Variants in NLGN1 observed in about 807,000 individuals in gnomAD.
The protein encoded by NLGN1 is neuroligin 1.
NLGN1 carries 12 observed loss-of-function variants against 65.5 expected under a neutral mutation model. That is an observed-to-expected ratio of 0.18 (90% CI 0.12 to 0.30). The LOEUF (loss-of-function observed/expected upper bound fraction) is 0.30, where lower values mean the gene tolerates loss of function less well. NLGN1 is among the 10% of genes least tolerant of loss of function. The pLI is 1.00. For synonymous variants in NLGN1, 350 were observed against 359.5 expected (o/e 0.97, Z 0.30); for missense variants, 750 against 1,007.1 (o/e 0.74, Z 3.46).
intron 3 of NLGN1, among the ~76,000 whole-genome samples, chr3:173,645,887 C>G (rs976648750): frequency 2.0e-5 from 3 of 152,168 alleles, no homozygotes; most frequent in African/African-American, 7.2e-5. Context: ...CTCCTCGGCC[C>G]CCACCCAGTG....
chr3:173,402,313 C>T (rs536445), intron 1 of NLGN1, among the ~76,000 whole-genome samples: 80,398 of 151,920 alleles, frequency 0.53, 21,400 homozygotes, highest in East Asian at 0.67. Context: ...TTGCTATGGA[C>T]GACCAATGAT....
exon 7 of NLGN1, chr3:174,282,683 T>C (rs1751681361): frequency 6.6e-6 from 1 of 152,154 alleles, no homozygotes; most frequent in Non-Finnish European, 1.5e-5. Flanking sequence ...CCTTTCCAAA[T>C]GTTTGTATAT....
Position 174,206,297 on chromosome 3 carries a change from G to A in NLGN1, c.647-69018G>A, listed in dbSNP as rs1467018688. ...CTCCTCTGCATGCAGTGACAGGGGC[G>A]AAATCAGATACTGGGCTCGAGGATC... is the stretch of plus-strand genomic sequence containing the variant. On this transcript the variant is annotated intron_variant, in intron 4 of 6. Coordinates refer to ENST00000457714, the Ensembl canonical transcript of NLGN1. Among the ~76,000 whole-genome samples the A allele has an allele frequency of 3.3e-5, 5 of 152,288 alleles. No individual in the cohort carries two copies. The East Asian group carries it at 9.7e-4, about 29-fold the overall frequency.
chr3:174,024,779 T>C (rs945551605), intron 4 of NLGN1, among the ~76,000 whole-genome samples: 2 of 152,228 alleles, frequency 1.3e-5, no homozygotes, highest in East Asian at 1.9e-4. Context: ...TATCTGCTCA[T>C]TGACAATATA....
chr3:174,212,422 A>C (rs1049501349), intron 4 of NLGN1, among the ~76,000 whole-genome samples: 1 of 152,306 alleles, frequency 6.6e-6, no homozygotes. Context: ...GGGCTCCCAC[A>C]GTGCAGTGGT....
chr3:173,550,812 C>CT (rs1740721229), intron 2 of NLGN1, among the ~76,000 whole-genome samples: 1 of 152,104 alleles, frequency 6.6e-6, no homozygotes, highest in Non-Finnish European at 1.5e-5. Flanking sequence ...TATTCAGAAA[C>CT]ATTATAGACA....
chr3:174,096,576 A>G (rs1339855642), intron 4 of NLGN1, among the ~76,000 whole-genome samples: 2 of 152,096 alleles, frequency 1.3e-5, no homozygotes, highest in East Asian at 3.9e-4. Context: ...GTCCCCACCA[A>G]AATACCTACA....
chr3:173,935,116 G>A (rs1199849490), intron 4 of NLGN1, among the ~76,000 whole-genome samples: 3 of 151,990 alleles, frequency 2.0e-5, no homozygotes, highest in African/African-American at 7.2e-5. Flanking sequence ...TCTTCTGGGA[G>A]TTCTGGAATC....
intron 4 of NLGN1, among the ~76,000 whole-genome samples, chr3:174,118,174 G>A (rs1043156918): frequency 6.6e-6 from 1 of 152,012 alleles, no homozygotes; most frequent in Non-Finnish European, 1.5e-5. Context: ...TTTTTTAAGT[G>A]GAATGGGCAG....
chr3:173,590,263 A>G (rs1748242969), intron 2 of NLGN1, among the ~76,000 whole-genome samples: 1 of 152,156 alleles, frequency 6.6e-6, no homozygotes, highest in African/African-American at 2.4e-5. Flanking sequence ...TTACTGTCCA[A>G]CACTTTACAC....
chr3:174,047,555 C>T (rs1201574376), intron 4 of NLGN1, among the ~76,000 whole-genome samples: 3 of 151,984 alleles, frequency 2.0e-5, no homozygotes, highest in African/African-American at 7.2e-5. Context: ...GGAGATTTTA[C>T]AGTCTGATAG....
chr3:174,273,026 G>GTT (rs371995825), intron 4 of NLGN1, among the ~76,000 whole-genome samples: 3,335 of 148,868 alleles, frequency 0.022, 109 homozygotes, highest in African/African-American at 0.079. Flanking sequence ...CAGCACTGTT[G>GTT]TTATATAAAC....
At chr3:173,687,983 G>A (rs1288221067) in intron 3 of NLGN1, among the ~76,000 whole-genome samples, 1 of 152,158 alleles carries the variant, frequency 6.6e-6, no homozygotes, top group Admixed American at 6.5e-5. Flanking sequence ...TAAACAGAAT[G>A]GTCAGAAGGT....
intron 2 of NLGN1, among the ~76,000 whole-genome samples, chr3:173,510,568 A>G (rs1244356138): frequency 6.6e-6 from 1 of 152,196 alleles, no homozygotes; most frequent in African/African-American, 2.4e-5. Flanking sequence ...GATGTTGGAA[A>G]TGTATTAATT....
intron 4 of NLGN1, among the ~76,000 whole-genome samples, chr3:173,883,624 A>G (rs2150940305): frequency 6.6e-6 from 1 of 152,252 alleles, no homozygotes; most frequent in East Asian, 1.9e-4. Context: ...AGTGTGCAAT[A>G]AAGTATGCCT....
At chr3:173,603,905 A>G (rs569979520) in intron 2 of NLGN1, among the ~76,000 whole-genome samples, 179 of 152,192 alleles carry the variant, frequency 1.2e-3, no homozygotes, top group African/African-American at 4.0e-3. Flanking sequence ...ATTTTCTGCT[A>G]TTGGGTTTTA....
At chr3:173,665,780 T>G (rs1334525991) in intron 3 of NLGN1, among the ~76,000 whole-genome samples, 1 of 152,170 alleles carries the variant, frequency 6.6e-6, no homozygotes, top group Non-Finnish European at 1.5e-5. Flanking sequence ...AGAAAAGAAA[T>G]AAACTGTTGT....
At position 174,160,929 on chromosome 3, in the gene NLGN1, C is replaced by T. The variant is rs538980232; in HGVS notation, c.647-114386C>T. ...AACCATACCCACCTCCTGCCCTCAACCCCTCTACTACTCTGCCCAGCCTCT... is the reference window on the plus strand; with the variant it reads ...AACCATACCCACCTCCTGCCCTCAATCCCTCTACTACTCTGCCCAGCCTCT... On this transcript the variant is annotated intron_variant, in intron 4 of 6. Coordinates refer to ENST00000457714, the Ensembl canonical transcript of NLGN1. Among the ~76,000 whole-genome samples, 4 of 151,660 alleles carry T rather than the reference C, an allele frequency of 2.6e-5. No homozygotes were observed. The Admixed American group carries it at 2.6e-4, about 10-fold the overall frequency.
chr3:173,844,636 C>T (rs556104177), intron 4 of NLGN1, among the ~76,000 whole-genome samples: 1 of 152,240 alleles, frequency 6.6e-6, no homozygotes, highest in East Asian at 1.9e-4. Flanking sequence ...ATCTCCTCTG[C>T]ATTTAGAGTT....
Sources: allele counts gnomAD v4.1 joint callset (sites outside exome capture counted in the v4.1 genomes callset), GRCh38; gene constraint gnomAD v4.1.1; transcripts MANE v1.5; gene names NCBI Gene and HGNC (gene_info 2026-07-23, HGNC 2026-07-21).